RNF220: variants seen among roughly 807,000 people sequenced by gnomAD.
RNF220 encodes ring finger protein 220.
A neutral mutation model predicts 67.1 loss-of-function variants in RNF220; 7 were observed. The ratio of observed to expected loss-of-function variants is 0.10; its 90% CI spans 0.06 to 0.20. The LOEUF is 0.20. RNF220 is among the 10% of genes least tolerant of loss of function. The pLI is 1.00. For missense variants in RNF220, 565 were observed against 740.3 expected (o/e 0.76, Z 2.75); for synonymous variants, 270 against 283.2 (o/e 0.95, Z 0.47).
chr1:44,524,361 T>C (rs1207529501), intron 2 of RNF220, among the ~76,000 whole-genome samples: 1 of 152,098 alleles, frequency 6.6e-6, no homozygotes, highest in Non-Finnish European at 1.5e-5. Flanking sequence ...TTCAACTTCC[T>C]GTGTTTTATG....
chr1:44,610,199 A>G (rs1643220253), intron 2 of RNF220, among the ~76,000 whole-genome samples: 1 of 152,238 alleles, frequency 6.6e-6, no homozygotes, highest in Non-Finnish European at 1.5e-5. Flanking sequence ...CACACACTCA[A>G]TCAGGCGCTG....
chr1:44,608,680 A>G (rs1363621028), intron 2 of RNF220, among the ~76,000 whole-genome samples: 1 of 152,238 alleles, frequency 6.6e-6, no homozygotes, highest in Non-Finnish European at 1.5e-5. Flanking sequence ...CAGATAATGG[A>G]TAGATGATAG....
In RNF220 at chr1:44,564,009, G is replaced by T. The variant is rs1438915587; in HGVS notation, c.626-50156G>T. 2.6e-5 allele frequency among the ~76,000 whole-genome samples: 4 copies of T among 152,216 alleles called. No homozygotes were observed. In the East Asian group the frequency reaches 7.7e-4, roughly 29 times the overall value. ...TCAACATTTATTAGATACCTATCGT[G>T]TGAGAATGCCACTGGCCCCCATGCC... On this transcript the variant is annotated intron_variant, in intron 2 of 14. Transcript: ENST00000361799.
chr1:44,556,851 G>A (rs1042750613), intron 2 of RNF220, among the ~76,000 whole-genome samples: 5 of 152,028 alleles, frequency 3.3e-5, no homozygotes, highest in African/African-American at 1.2e-4. Context: ...AAGCCACCGC[G>A]CCCGGCCTCT....
At position 44,624,435 on chromosome 1, in the gene RNF220, G is replaced by A. The variant is rs1643884404; in HGVS notation, c.804+1648G>A. On this transcript the variant is annotated intron_variant, in intron 4 of 14. Transcript: ENST00000361799. This position sits in a 1 kb window ranked among gnomAD's most constrained non-coding sequence, Gnocchi z 4.2. ...CAGACCCACACACACACTCAGGTCA[G>A]AATACAGACATAGGAAGTCTTAAAA... Among the ~76,000 whole-genome samples the A allele has an allele frequency of 6.6e-6, 1 of 152,180 alleles. No homozygotes were observed. Among genetic ancestry groups the A allele is most frequent in the Non-Finnish European group, 1.5e-5 (1 of 68,028 alleles).
chr1:44,598,713 T>A lies in RNF220; in HGVS notation c.626-15452T>A, dbSNP rs144963154. ...TGTTTCTAGGCATGGGATTTTGCTG[T>A]CTGGTTATGTTCACATGGTCACTGG... On this transcript the variant is annotated intron_variant, in intron 2 of 14. Coordinates refer to ENST00000361799, the MANE Select transcript of RNF220 (RefSeq NM_018150.4). Among the ~76,000 whole-genome samples the A allele has an allele frequency of 5.9e-5, 9 of 152,282 alleles. No homozygotes were observed. The South Asian group carries it at 1.7e-3, about 28-fold the overall frequency.
intron 2 of RNF220, among the ~76,000 whole-genome samples, chr1:44,613,785 G>A (rs1397102526): frequency 1.3e-5 from 2 of 152,150 alleles, no homozygotes; most frequent in Admixed American, 6.6e-5. Flanking sequence ...GCTGAGGCAG[G>A]AGAACCACTT....
intron 2 of RNF220, among the ~76,000 whole-genome samples, chr1:44,475,241 G>A (rs1557961531): frequency 6.6e-6 from 1 of 152,158 alleles, no homozygotes; most frequent in Admixed American, 6.5e-5. Flanking sequence ...TCAAAAACTT[G>A]GAGAATGAAT....
At chr1:44,462,501 T>C (rs1391005982) in intron 2 of RNF220, among the ~76,000 whole-genome samples, 1 of 152,176 alleles carries the variant, frequency 6.6e-6, no homozygotes, top group Non-Finnish European at 1.5e-5. Context: ...ACAACTCCTA[T>C]ATGAAAGAAA....
intron 2 of RNF220, among the ~76,000 whole-genome samples, chr1:44,435,608 C>T (rs1416253966): frequency 6.6e-6 from 1 of 152,068 alleles, no homozygotes; most frequent in African/African-American, 2.4e-5. Context: ...TTGTGCTGGC[C>T]TTCAAATAAT....
intron 2 of RNF220, among the ~76,000 whole-genome samples, chr1:44,588,140 G>C (rs1322876660): frequency 6.6e-6 from 1 of 152,206 alleles, no homozygotes; most frequent in Non-Finnish European, 1.5e-5. Flanking sequence ...GGTAGAGCTG[G>C]GCAAGAGAAG....
chr1:44,561,339 A>G (rs1663554299), intron 2 of RNF220, among the ~76,000 whole-genome samples: 1 of 152,052 alleles, frequency 6.6e-6, no homozygotes, highest in African/African-American at 2.4e-5. Flanking sequence ...GTGAAACCCC[A>G]TCTCTACTAA....
At chr1:44,482,171 G>T (rs989749463) in intron 2 of RNF220, among the ~76,000 whole-genome samples, 1 of 152,174 alleles carries the variant, frequency 6.6e-6, no homozygotes, top group Non-Finnish European at 1.5e-5. Flanking sequence ...TAGCAGAACT[G>T]GGATTCAAAC....
chr1:44,617,140 GC>G lies in RNF220; in HGVS notation c.758+2849del, dbSNP rs1377717785. On this transcript the variant is annotated intron_variant, in intron 3 of 14. Transcript: ENST00000361799. ...TGCGCGCCCTGCGCCCCCGGCACGC[GC>G]CCCCCTCCAACCGGGTGTCTGACAG... 3.9e-5 allele frequency among the ~76,000 whole-genome samples: 6 copies of G among 152,072 alleles called. No homozygotes were observed. In the East Asian group the frequency reaches 9.7e-4, roughly 25 times the overall value.
Position 44,624,415 on chromosome 1 carries a change from CCACACA to C in RNF220, c.804+1634_804+1639del, listed in dbSNP as rs1643883907. ...TCCCTAGCTCCCCACATATACAGAC[CCACACA>C]CACACTCAGGTCAGAATACAGACAT... is the stretch of plus-strand genomic sequence containing the variant. On this transcript the variant is annotated intron_variant, in intron 4 of 14. Coordinates refer to ENST00000361799, the MANE Select transcript of RNF220 (RefSeq NM_018150.4). This position sits in a 1 kb window ranked among gnomAD's most constrained non-coding sequence, Gnocchi z 4.2. Among the ~76,000 whole-genome samples the C allele has an allele frequency of 6.6e-6, 1 of 152,048 alleles. No individual in the cohort carries two copies. The highest frequency in any genetic ancestry group is 1.5e-5 in the Non-Finnish European group (1 of 68,010).
At chr1:44,635,760 C>T in intron 7 of RNF220, 172 bp downstream of exon 7, 1 of 1,446,650 alleles carries the variant, frequency 6.9e-7, no homozygotes, top group South Asian at 1.4e-5. Context: ...CTTGGGGTCT[C>T]CATGTGGTCT....
chr1:44,644,945 C>A, intron 9 of RNF220, 50 bp from the exon 10 acceptor site: 1 of 1,603,084 alleles, frequency 6.2e-7, no homozygotes, highest in East Asian at 2.2e-5. Context: ...GGATTCAACC[C>A]TCATAGCCTG....
At position 44,626,298 on chromosome 1, in the gene RNF220, C is replaced by T; in HGVS notation, c.806C>T (p.Ser269Phe). ...KDAMAPGTPK[S>F]LLLSASIKRE... Reference sequence around the variant, plus strand: ...CACATGTCTTTTTTCTTCTTCCAGTCCCTCCTGTTGTCTGCTTCCATCAAG... The same window carrying T: ...CACATGTCTTTTTTCTTCTTCCAGTTCCTCCTGTTGTCTGCTTCCATCAAG... The change falls in exon 5 of 15, where the codon TCC (serine) becomes TTC (phenylalanine). Residue 269 changes from serine (S) to phenylalanine (F), a missense_variant and splice_region_variant. Transcript: ENST00000361799. 2 of 1,613,388 alleles carry T rather than the reference C, an allele frequency of 1.2e-6. No individual in the cohort carries two copies. The highest frequency in any genetic ancestry group is 8.5e-7 in the Non-Finnish European group (1 of 1,179,346).
intron 2 of RNF220, among the ~76,000 whole-genome samples, chr1:44,465,305 C>T (rs182090440): frequency 6.6e-6 from 1 of 152,106 alleles, no homozygotes; most frequent in East Asian, 1.9e-4. Flanking sequence ...AATAATCCTT[C>T]CCAATCCTAA....
Sources: allele counts gnomAD v4.1 joint callset (sites outside exome capture counted in the v4.1 genomes callset), GRCh38; gene constraint gnomAD v4.1.1; non-coding constraint Gnocchi (gnomAD v3.1); transcripts MANE v1.5; gene names NCBI Gene and HGNC (gene_info 2026-07-23, HGNC 2026-07-21).